The following SPHKAP variants were observed in gnomAD, a reference collection of about 807,000 sequenced individuals.
SPHKAP encodes the protein A-kinase anchor protein SPHKAP.
A neutral mutation model predicts 137.5 loss-of-function variants in SPHKAP; 67 were observed. That is an observed-to-expected ratio of 0.49 (90% CI 0.40 to 0.60). The LOEUF (loss-of-function observed/expected upper bound fraction) is 0.60, where lower values mean the gene tolerates loss of function less well. SPHKAP is among the 20% of genes least tolerant of loss of function. The pLI is 0.00. For missense variants in SPHKAP, 2,097 were observed against 2,069.3 expected, an observed-to-expected ratio of 1.01 and a Z score of -0.26; for synonymous variants, 813 against 785.3, an observed-to-expected ratio of 1.04 and a Z score of -0.59.
chr2:228,004,835 A>G (rs1010128099), intron 7 of SPHKAP, among the ~76,000 whole-genome samples: 7 of 152,102 alleles, frequency 4.6e-5, no homozygotes, highest in African/African-American at 1.7e-4. Context: ...ATTCAGTAGC[A>G]CGTTGTTCAG....
intron 3 of SPHKAP, among the ~76,000 whole-genome samples, chr2:228,106,152 A>G (rs1173353458): frequency 6.6e-6 from 1 of 152,200 alleles, no homozygotes; most frequent in Non-Finnish European, 1.5e-5. Flanking sequence ...ATATGCACAC[A>G]ACCCTCTCAA....
intron 1 of SPHKAP, among the ~76,000 whole-genome samples, chr2:228,142,413 A>G (rs1699634091): frequency 1.3e-5 from 2 of 151,974 alleles, no homozygotes; most frequent in Non-Finnish European, 2.9e-5. Flanking sequence ...CAGAGCTTGC[A>G]GTGAGCCGAG....
intron 3 of SPHKAP, among the ~76,000 whole-genome samples, chr2:228,036,708 A>G (rs1487938095): frequency 1.3e-5 from 2 of 152,148 alleles, no homozygotes; most frequent in African/African-American, 2.4e-5. Flanking sequence ...CAGCCATAAA[A>G]AATGATGAGT....
intron 2 of SPHKAP, among the ~76,000 whole-genome samples, chr2:228,121,057 A>G (rs1020340222): frequency 1.3e-5 from 2 of 152,356 alleles, no homozygotes; most frequent in South Asian, 2.1e-4. Context: ...AGGAAAATAT[A>G]TGAAGTGCGT....
At chr2:228,072,221 C>A (rs1697026484) in intron 3 of SPHKAP, among the ~76,000 whole-genome samples, 1 of 152,176 alleles carries the variant, frequency 6.6e-6, no homozygotes, top group Non-Finnish European at 1.5e-5. Flanking sequence ...AATTGCACTG[C>A]TGGCTTTCCT....
At chr2:228,069,452 T>TCTTTC (rs201728263) in intron 3 of SPHKAP, among the ~76,000 whole-genome samples, 2 of 143,850 alleles carry the variant, frequency 1.4e-5, no homozygotes, top group South Asian at 2.2e-4. Flanking sequence ...TTTCTTTCTT[T>TCTTTC]TTTTTTTTTT....
intron 3 of SPHKAP, among the ~76,000 whole-genome samples, chr2:228,088,080 TGAGTTG>T: frequency 6.6e-6 from 1 of 152,138 alleles, no homozygotes; most frequent in East Asian, 1.9e-4. Context: ...GGGATAGAAC[TGAGTTG>T]TACTGCAGTG....
intron 7 of SPHKAP, among the ~76,000 whole-genome samples, chr2:228,014,811 T>A (rs1270327831): frequency 6.6e-6 from 1 of 152,234 alleles, no homozygotes; most frequent in Non-Finnish European, 1.5e-5. Context: ...CCACTCTTGG[T>A]AAATAATAAA....
intron 2 of SPHKAP, among the ~76,000 whole-genome samples, chr2:228,114,975 T>C (rs1698657246): frequency 6.6e-6 from 1 of 152,162 alleles, no homozygotes; most frequent in Non-Finnish European, 1.5e-5. Context: ...GACTGGTCAG[T>C]TCTCCCTGGA....
chr2:228,034,611 C>T (rs1279815355), intron 3 of SPHKAP, among the ~76,000 whole-genome samples: 1 of 152,132 alleles, frequency 6.6e-6, no homozygotes, highest in Non-Finnish European at 1.5e-5. Context: ...CCTTGATGAA[C>T]ATTGATGCAA....
intron 7 of SPHKAP, among the ~76,000 whole-genome samples, chr2:228,009,900 C>T (rs953964348): frequency 7.9e-5 from 12 of 152,180 alleles, no homozygotes; most frequent in African/African-American, 1.9e-4. Context: ...CAGTACTATG[C>T]GAGCTTGTGG....
At position 228,016,506 on chromosome 2, in the gene SPHKAP, T is replaced by C. The variant is rs776724748; in HGVS notation, c.4348A>G (p.Ser1450Gly). 3.7e-6 allele frequency: 6 copies of C among 1,614,058 alleles called. No individual in the cohort carries two copies. The highest frequency in any genetic ancestry group is 1.7e-5 in the Admixed American group (1 of 60,008). The change falls in exon 7 of 12, where the codon AGC (serine) becomes GGC (glycine). Residue 1450 changes from serine to glycine, a missense_variant. By Grantham distance (56) the Ser-to-Gly change is moderately conservative. Coordinates refer to ENST00000392056, the MANE Select transcript of SPHKAP (RefSeq NM_001142644.2). ...AGEPEPFLSK[S>G]SLLEEAEGHS... ...CCTTCTGCTTCCTCTAGGAGGCTGC[T>C]TTTGGAAAGGAAGGGTTCAGGTTCC... is the stretch of plus-strand genomic sequence containing the variant.
At chr2:228,090,993 G>C (rs1195433153) in intron 3 of SPHKAP, among the ~76,000 whole-genome samples, 1 of 152,174 alleles carries the variant, frequency 6.6e-6, no homozygotes, top group Non-Finnish European at 1.5e-5. Context: ...TATGGCAGCT[G>C]TAATTCATCT....
At chr2:228,106,388 G>A (rs111753339) in intron 3 of SPHKAP, among the ~76,000 whole-genome samples, 3 of 152,130 alleles carry the variant, frequency 2.0e-5, no homozygotes. Context: ...ACCTGGAGCT[G>A]GGTCCCCCCA....
chr2:227,997,401 CTTAAG>C (rs1237314760), intron 7 of SPHKAP, among the ~76,000 whole-genome samples: 1 of 152,080 alleles, frequency 6.6e-6, no homozygotes, highest in Admixed American at 6.5e-5. Flanking sequence ...ACCTGTTCAA[CTTAAG>C]TTAATAAATC....
chr2:228,057,472 T>C (rs2106281899), intron 3 of SPHKAP, among the ~76,000 whole-genome samples: 1 of 152,162 alleles, frequency 6.6e-6, no homozygotes, highest in Middle Eastern at 3.4e-3. Context: ...AACTGAGAAA[T>C]CACAACTACA....
chr2:228,024,349 T>G (rs1694951349), intron 5 of SPHKAP, among the ~76,000 whole-genome samples: 2 of 124,572 alleles, frequency 1.6e-5, no homozygotes, highest in Non-Finnish European at 3.4e-5. Context: ...GCAGTTTTTT[T>G]TTTTTTTTTT....
intron 7 of SPHKAP, among the ~76,000 whole-genome samples, chr2:228,008,446 C>T (rs1429061365): frequency 1.3e-5 from 2 of 151,938 alleles, no homozygotes; most frequent in African/African-American, 2.4e-5. Flanking sequence ...ATAGGCACAC[C>T]ATCACACCCA....
intron 3 of SPHKAP, among the ~76,000 whole-genome samples, chr2:228,099,397 C>G (rs965521093): frequency 2.0e-5 from 3 of 152,194 alleles, no homozygotes; most frequent in African/African-American, 7.2e-5. Flanking sequence ...TGTTTTTGTA[C>G]CAGTACCATC....
Sources: gnomAD v4.1 joint callset for allele counts (sites outside exome capture counted in the v4.1 genomes callset) on GRCh38, gnomAD v4.1.1 for gene constraint, MANE v1.5 for transcripts, NCBI Gene and HGNC (gene_info 2026-07-23, HGNC 2026-07-21) for gene names.